Variants in STPG2 observed in about 807,000 individuals in gnomAD.
STPG2 encodes the protein sperm-tail PG-rich repeat-containing protein 2.
STPG2 carries 56 observed loss-of-function variants against 54.2 expected under a neutral mutation model. That is an observed-to-expected ratio of 1.03 (90% CI 0.83 to 1.29). The LOEUF is 1.29. Among genes scored for constraint, STPG2 ranks in the 50% most tolerant of loss-of-function variants. STPG2 has a pLI of 0.00. For missense variants in STPG2, 596 were observed against 544.9 expected (o/e 1.09, Z -0.93); for synonymous variants, 200 against 181.8 (o/e 1.10, Z -0.81).
At chr4:97,880,680 T>C (rs780114810) in intron 8 of STPG2, among the ~76,000 whole-genome samples, 4 of 152,124 alleles carry the variant, frequency 2.6e-5, no homozygotes, top group Non-Finnish European at 5.9e-5. Flanking sequence ...TTCTAAGAAA[T>C]ACAAATTACC....
At chr4:97,664,087 A>G (rs1418687538) in intron 10 of STPG2, among the ~76,000 whole-genome samples, 2 of 152,192 alleles carry the variant, frequency 1.3e-5, no homozygotes, top group African/African-American at 4.8e-5. Context: ...AGTAATTTTT[A>G]TGATTCTTAG....
At chr4:97,612,268 A>G (rs1236050889) in intron 10 of STPG2, among the ~76,000 whole-genome samples, 1 of 151,882 alleles carries the variant, frequency 6.6e-6, no homozygotes, top group African/African-American at 2.4e-5. Context: ...AAACAAAAAA[A>G]AACACAACAT....
chr4:97,768,122 A>C (rs535979527), intron 9 of STPG2, among the ~76,000 whole-genome samples: 26 of 151,446 alleles, frequency 1.7e-4, no homozygotes, highest in African/African-American at 6.3e-4. Flanking sequence ...AGCCGAGATC[A>C]CGCCACTGCA....
chr4:97,666,689 G>A (rs1490103406), intron 10 of STPG2, among the ~76,000 whole-genome samples: 1 of 152,158 alleles, frequency 6.6e-6, no homozygotes. Context: ...GTACTTACTA[G>A]AGGGCAGGTA....
At chr4:97,858,819 T>C (rs1351019165) in intron 8 of STPG2, among the ~76,000 whole-genome samples, 1 of 152,226 alleles carries the variant, frequency 6.6e-6, no homozygotes, top group Non-Finnish European at 1.5e-5. Context: ...TTAAAGCTGA[T>C]ACCATATTTT....
chr4:98,114,108 G>C (rs1739439941), intron 3 of STPG2, among the ~76,000 whole-genome samples: 1 of 151,968 alleles, frequency 6.6e-6, no homozygotes, highest in South Asian at 2.1e-4. Flanking sequence ...GTGCCAAACA[G>C]AACTTAAGGA....
At chr4:97,754,759 T>A (rs1364770578) in intron 9 of STPG2, among the ~76,000 whole-genome samples, 2 of 152,034 alleles carry the variant, frequency 1.3e-5, no homozygotes, top group African/African-American at 2.4e-5. Context: ...GTCAAAAAAA[T>A]TGAGGCAATC....
chr4:97,887,977 T>C (rs1252492064), intron 8 of STPG2, among the ~76,000 whole-genome samples: 1 of 152,148 alleles, frequency 6.6e-6, no homozygotes, highest in Admixed American at 6.6e-5. Flanking sequence ...CTTCAGAGGA[T>C]TTAAGTCATA....
intron 5 of STPG2, among the ~76,000 whole-genome samples, chr4:98,068,809 C>G (rs868435063): frequency 6.6e-6 from 1 of 151,960 alleles, no homozygotes; most frequent in Admixed American, 6.6e-5. Flanking sequence ...TACAGTATAG[C>G]CTATTGCTCC....
At chr4:97,911,625 C>T (rs1471508585) in intron 8 of STPG2, among the ~76,000 whole-genome samples, 2 of 152,200 alleles carry the variant, frequency 1.3e-5, no homozygotes, top group Admixed American at 6.5e-5. Flanking sequence ...CCTCACCAGG[C>T]AAGTCCTTCC....
intron 10 of STPG2, among the ~76,000 whole-genome samples, chr4:97,603,989 C>T (rs1733528744): frequency 1.3e-5 from 2 of 151,630 alleles, no homozygotes; most frequent in African/African-American, 2.4e-5. Flanking sequence ...ATATATATTG[C>T]ACCGCAATTG....
chr4:97,863,459 C>G (rs915227834), intron 8 of STPG2, among the ~76,000 whole-genome samples: 2 of 152,124 alleles, frequency 1.3e-5, no homozygotes, highest in South Asian at 2.1e-4. Flanking sequence ...TAATTAATAG[C>G]TTACCAACCA....
In STPG2 at chr4:97,478,873, ATGTGTGTGTGTGTGTGTG is replaced by A. The variant is rs35662485; in HGVS notation, c.462+233808_462+233825del. Among the ~76,000 whole-genome samples the A allele has an allele frequency of 2.6e-3, 347 of 134,034 alleles. 1 individual carries two copies. Among genetic ancestry groups the A allele is most frequent in the African/African-American group, 8.8e-3 (319 of 36,334 alleles). The allele number at this position is 134,034 out of a possible 152,430, so 87.9% of individuals were successfully genotyped here. A position where few individuals can be genotyped will look rare whatever the true frequency, so the allele number is the denominator to read the frequency against. On this transcript the variant is annotated intron_variant, in intron 4 of 4. Transcript: ENST00000522676. The stretch of plus-strand genomic sequence containing the variant: ...ATGAACCCTAGAAACCAAGCCAAAT[ATGTGTGTGTGTGTGTGTG>A]TGTGTGTGTGTGTGTGTGTGTGTGT...
chr4:97,528,586 G>A (rs1398062955), intron 4 of STPG2, among the ~76,000 whole-genome samples: 1 of 152,030 alleles, frequency 6.6e-6, no homozygotes, highest in African/African-American at 2.4e-5. Flanking sequence ...AAATTACCTT[G>A]GGCAGTATGG....
intron 3 of STPG2, among the ~76,000 whole-genome samples, chr4:98,114,802 T>C (rs1349260476): frequency 6.6e-6 from 1 of 151,612 alleles, no homozygotes; most frequent in African/African-American, 2.4e-5. Context: ...TCTACAATAA[T>C]ATCCATTTCA....
At chr4:97,765,749 G>T (rs564433926) in intron 9 of STPG2, among the ~76,000 whole-genome samples, 1 of 152,236 alleles carries the variant, frequency 6.6e-6, no homozygotes, top group South Asian at 2.1e-4. Flanking sequence ...TTCAGAGTCA[G>T]ACAACCTGAA....
intron 7 of STPG2, among the ~76,000 whole-genome samples, chr4:97,949,128 C>G (rs1374534867): frequency 6.6e-6 from 1 of 151,712 alleles, no homozygotes; most frequent in African/African-American, 2.4e-5. Flanking sequence ...ATTATAATAT[C>G]TTCTCGTTGA....
intron 9 of STPG2, among the ~76,000 whole-genome samples, chr4:97,727,398 G>A (rs2149022835): frequency 6.6e-6 from 1 of 151,912 alleles, no homozygotes; most frequent in East Asian, 1.9e-4. Flanking sequence ...TCAGTGAAAA[G>A]TTGATATGTT....
chr4:97,589,090 C>G (rs1733070955), intron 10 of STPG2, among the ~76,000 whole-genome samples: 1 of 151,944 alleles, frequency 6.6e-6, no homozygotes. Context: ...CAGTTAAAAA[C>G]AGGTAGAAGA....
Sources: allele counts gnomAD v4.1 joint callset (sites outside exome capture counted in the v4.1 genomes callset), GRCh38; gene constraint gnomAD v4.1.1; transcripts MANE v1.5; gene names NCBI Gene and HGNC (gene_info 2026-07-23, HGNC 2026-07-21).